MSI1: variants seen among roughly 807,000 people sequenced by gnomAD.
The protein encoded by MSI1 is musashi RNA binding protein 1.
A neutral mutation model predicts 54.4 loss-of-function variants in MSI1; 15 were observed. That is an observed-to-expected ratio of 0.28 (90% CI 0.18 to 0.42). The LOEUF (loss-of-function observed/expected upper bound fraction) is 0.42, where lower values mean the gene tolerates loss of function less well. Among genes scored for constraint, MSI1 ranks in the 20% least tolerant of loss-of-function variants. The pLI is 1.00. For synonymous variants in MSI1, 200 were observed against 196.5 expected, an observed-to-expected ratio of 1.02 and a Z score of -0.15; for missense variants, 304 against 506.0, an observed-to-expected ratio of 0.60 and a Z score of 3.83.
rs1306230030 is a variant in MSI1, at chr12:120,347,456, A to C, written c.849T>G (p.Val283=). Residue 283 remains valine, a synonymous_variant, in exon 12 of 15, where the codon GTT becomes GTG. Transcript: ENST00000257552. ...MAAAAAAAAV[V]RGTGSHPWTM... ...CTCAGAAGAGCTCACCTGTCCCTCG[A>C]ACCACAGCCGCTGCCGCCGCTGCCG... 1 of 1,614,078 alleles carries C rather than the reference A, an allele frequency of 6.2e-7. No individual in the cohort carries two copies. The highest frequency in any genetic ancestry group is 1.7e-5 in the Admixed American group (1 of 60,018).
chr12:120,352,768 G>C (rs941345313), intron 10 of MSI1, among the ~76,000 whole-genome samples: 2 of 152,132 alleles, frequency 1.3e-5, no homozygotes, highest in African/African-American at 4.8e-5. Context: ...GTCCAGAACT[G>C]GGCTTCCTGA....
At chr12:120,343,333 A>C (rs1294270033) in intron 14 of MSI1, among the ~76,000 whole-genome samples, 1 of 151,840 alleles carries the variant, frequency 6.6e-6, no homozygotes, top group Non-Finnish European at 1.5e-5. Context: ...GCCTCCTGAG[A>C]CTCTGGGATT....
intron 4 of MSI1, 38 bp downstream of exon 4, chr12:120,367,970 T>C: frequency 1.3e-6 from 2 of 1,576,738 alleles, no homozygotes; most frequent in African/African-American, 1.3e-5. Context: ...GCAGCCTCCC[T>C]CTCCCAAAGG....
chr12:120,354,063 C>T (rs139920139), intron 9 of MSI1, among the ~76,000 whole-genome samples: 18 of 152,026 alleles, frequency 1.2e-4, no homozygotes, highest in Non-Finnish European at 1.8e-4. Flanking sequence ...TAGGTCACTG[C>T]AGCCTCAAAC....
chr12:120,351,860 C>T (rs1454805974), intron 10 of MSI1, among the ~76,000 whole-genome samples: 4 of 151,614 alleles, frequency 2.6e-5, no homozygotes, highest in African/African-American at 9.7e-5. Flanking sequence ...AGGCGCCCGC[C>T]ACCACGCCCG....
At chr12:120,355,433 A>T (rs1469584738) in intron 9 of MSI1, among the ~76,000 whole-genome samples, 1 of 151,750 alleles carries the variant, frequency 6.6e-6, no homozygotes, top group Non-Finnish European at 1.5e-5. Context: ...AGAAAAAAAT[A>T]TTGTATCAAT....
intron 11 of MSI1, among the ~76,000 whole-genome samples, chr12:120,350,004 C>T (rs1426476455): frequency 6.6e-6 from 1 of 152,180 alleles, no homozygotes; most frequent in African/African-American, 2.4e-5. Flanking sequence ...CGCTCTGTCC[C>T]CAGGGTCTGG....
At chr12:120,346,856 G>A (rs1470429869) in intron 12 of MSI1, among the ~76,000 whole-genome samples, 1 of 152,158 alleles carries the variant, frequency 6.6e-6, no homozygotes, top group Admixed American at 6.5e-5. Context: ...TCCCCCTAGT[G>A]CAGCAGCATC....
intron 4 of MSI1, among the ~76,000 whole-genome samples, chr12:120,365,489 G>C (rs1355705629): frequency 6.6e-6 from 1 of 152,158 alleles, no homozygotes. Context: ...GGTAAATCGA[G>C]GGCCTTCCTT....
intron 9 of MSI1, among the ~76,000 whole-genome samples, chr12:120,354,857 G>T (rs1433256632): frequency 1.3e-5 from 2 of 151,986 alleles, no homozygotes; most frequent in East Asian, 3.9e-4. Flanking sequence ...CCTGATTCTA[G>T]CCTGGATCTT....
chr12:120,350,283 T>A (rs1874482748), intron 11 of MSI1, among the ~76,000 whole-genome samples: 1 of 152,174 alleles, frequency 6.6e-6, no homozygotes, highest in South Asian at 2.1e-4. Context: ...TGCTTTGGCC[T>A]CTCAGAGTGC....
intron 9 of MSI1, among the ~76,000 whole-genome samples, chr12:120,356,652 C>G (rs1368590202): frequency 6.6e-6 from 1 of 152,180 alleles, no homozygotes; most frequent in African/African-American, 2.4e-5. Flanking sequence ...AGAGAATGGA[C>G]AGATTGACAG....
chr12:120,340,514 CTCT>C (rs1592914378), downstream of MSI1, among the ~76,000 whole-genome samples: 1 of 152,042 alleles, frequency 6.6e-6, no homozygotes, highest in African/African-American at 2.4e-5. Context: ...CCCTCTCTCT[CTCT>C]TCTTTTTTTT....
intron 8 of MSI1, 53 bp from the exon 9 acceptor site, chr12:120,357,072 C>T (rs1875198038): frequency 1.0e-5 from 15 of 1,468,622 alleles, no homozygotes; most frequent in Non-Finnish European, 1.4e-5. Flanking sequence ...GTCATTAGCC[C>T]TCTTGTTCCC....
intron 11 of MSI1, among the ~76,000 whole-genome samples, chr12:120,350,780 C>A (rs1195212857): frequency 6.6e-6 from 1 of 152,228 alleles, no homozygotes; most frequent in Non-Finnish European, 1.5e-5. Context: ...GGGCTGGATT[C>A]GGCCCTTGGC....
downstream of MSI1, among the ~76,000 whole-genome samples, chr12:120,340,794 G>A (rs1184707905): frequency 1.3e-5 from 2 of 151,838 alleles, no homozygotes; most frequent in Non-Finnish European, 2.9e-5. Context: ...GATTACAGGT[G>A]TGAGCAACCA....
rs1666641963 is a variant in MSI1 at position 120,351,487 on chromosome 12, A to G, written c.734-87T>C. The G allele has an allele frequency of 1.1e-4, 129 of 1,223,174 alleles. 2 individuals carry two copies. In the South Asian group the frequency reaches 1.6e-3, roughly 15 times the overall value. 75.8% of individuals were successfully genotyped at this position (1,223,174 alleles called of 1,614,324 possible). A position where few individuals can be genotyped will look rare whatever the true frequency, so the allele number is the denominator to read the frequency against. On this transcript the variant is annotated intron_variant, in intron 10 of 14. Coordinates refer to ENST00000257552, the MANE Select transcript of MSI1 (RefSeq NM_002442.4). ...GGAGGACAAATGCACCCACAGGGAC[A>G]CTGGGTGAGGAGACAGGCCATGCAC...
chr12:120,345,730 C>G, intron 13 of MSI1, 98 bp from the exon 14 acceptor site: 1 of 1,404,106 alleles, frequency 7.1e-7, no homozygotes, highest in African/African-American at 1.4e-5. Context: ...AGGCGCTGAC[C>G]TCTCTCTACC....
At chr12:120,366,786 C>T (rs1876046595) in intron 4 of MSI1, among the ~76,000 whole-genome samples, 1 of 152,136 alleles carries the variant, frequency 6.6e-6, no homozygotes, top group East Asian at 1.9e-4. Context: ...CTCATCTCAC[C>T]CTCCTTCCTC....
Sources: allele counts gnomAD v4.1 joint callset (sites outside exome capture counted in the v4.1 genomes callset), GRCh38; gene constraint gnomAD v4.1.1; transcripts MANE v1.5; gene names NCBI Gene and HGNC (gene_info 2026-07-23, HGNC 2026-07-21).